SGCZ: variants seen among roughly 807,000 people sequenced by gnomAD.
SGCZ encodes the protein zeta-sarcoglycan.
In SGCZ, 40 loss-of-function variants were observed where a neutral mutation model predicts 41.3. The ratio of observed to expected loss-of-function variants is 0.97; its 90% CI spans 0.75 to 1.26. The LOEUF is 1.26. SGCZ is among the 50% of genes most tolerant of loss of function. The pLI is 0.00. For synonymous variants in SGCZ, 206 were observed against 137.5 expected, an observed-to-expected ratio of 1.50 and a Z score of -3.49; for missense variants, 552 against 369.8, an observed-to-expected ratio of 1.49 and a Z score of -4.04.
At chr8:14,796,698 G>A (rs745888398) in intron 1 of SGCZ, among the ~76,000 whole-genome samples, 22 of 152,098 alleles carry the variant, frequency 1.4e-4, no homozygotes, top group Admixed American at 1.3e-4. Context: ...ACTGGGCAGA[G>A]GTAACAGATG....
intron 3 of SGCZ, among the ~76,000 whole-genome samples, chr8:14,321,319 G>A (rs573128265): frequency 6.6e-6 from 1 of 152,002 alleles, no homozygotes; most frequent in Non-Finnish European, 1.5e-5. Context: ...CTTTTGAAAA[G>A]CCTGAAGAAG....
In SGCZ at chr8:14,888,062, G is replaced by A. The variant is rs116425512; in HGVS notation, c.40-333136C>T. Among the ~76,000 whole-genome samples the A allele has an allele frequency of 9.2e-3, 1,401 of 152,164 alleles. 13 individuals are homozygous for A. The highest frequency in any genetic ancestry group is 0.03 in the African/African-American group (1,238 of 41,518). ...CCACATTGTATACATCTATCACAAC[G>A]TCACTCTGTGCCCCCTAAATATATA... is the stretch of plus-strand genomic sequence containing the variant. On this transcript the variant is annotated intron_variant, in intron 1 of 7. Coordinates refer to ENST00000382080, the MANE Select transcript of SGCZ (RefSeq NM_139167.4).
chr8:14,186,285 T>A (rs1167702079), intron 4 of SGCZ, among the ~76,000 whole-genome samples: 2 of 152,158 alleles, frequency 1.3e-5, no homozygotes, highest in African/African-American at 2.4e-5. Context: ...TTGAAGAAAA[T>A]TTTTTAAACA....
intron 1 of SGCZ, among the ~76,000 whole-genome samples, chr8:14,827,493 T>G (rs1802374670): frequency 6.6e-6 from 1 of 152,092 alleles, no homozygotes; most frequent in Non-Finnish European, 1.5e-5. Context: ...CGCCTTGGCC[T>G]CCCAAAGTGC....
chr8:15,048,335 GGAA>G (rs573068885), intron 1 of SGCZ, among the ~76,000 whole-genome samples: 3 of 151,948 alleles, frequency 2.0e-5, no homozygotes, highest in Non-Finnish European at 4.4e-5. Context: ...AAGAATAGGA[GGAA>G]GAAGAAGATG....
chr8:14,110,788 C>A (rs961107666), intron 5 of SGCZ, among the ~76,000 whole-genome samples: 3 of 152,052 alleles, frequency 2.0e-5, no homozygotes, highest in Non-Finnish European at 4.4e-5. Flanking sequence ...CACAGTGGCT[C>A]GTGCCTGGAA....
At chr8:14,787,885 T>G (rs1800820787) in intron 1 of SGCZ, among the ~76,000 whole-genome samples, 1 of 152,142 alleles carries the variant, frequency 6.6e-6, no homozygotes, top group Non-Finnish European at 1.5e-5. Flanking sequence ...ATAAGAGGAA[T>G]AACATAGCCA....
intron 4 of SGCZ, among the ~76,000 whole-genome samples, chr8:14,181,308 T>C (rs1804718770): frequency 6.6e-6 from 1 of 152,240 alleles, no homozygotes; most frequent in Non-Finnish European, 1.5e-5. Flanking sequence ...TTGTTGGGTA[T>C]ATTGATACCT....
intron 2 of SGCZ, among the ~76,000 whole-genome samples, chr8:14,415,054 T>C (rs998229973): frequency 2.0e-5 from 3 of 151,932 alleles, no homozygotes; most frequent in African/African-American, 7.2e-5. Context: ...GCTACTTATA[T>C]CTTTTTTTAT....
rs148887224 is a variant in SGCZ, at chr8:14,365,722, G to A, written c.235-41518C>T. On this transcript the variant is annotated intron_variant, in intron 2 of 7. Coordinates refer to ENST00000382080, the MANE Select transcript of SGCZ (RefSeq NM_139167.4). The stretch of plus-strand genomic sequence containing the variant: ...ATAGGAAATAGGTTTTTATCTTAAG[G>A]CTTAACAGGGATTGTTCCACTTATT... 6.1e-4 allele frequency among the ~76,000 whole-genome samples: 93 copies of A among 152,036 alleles called. 1 individual carries two copies. In the East Asian group the frequency reaches 0.012, roughly 20 times the overall value.
At chr8:14,202,173 C>G (rs955836038) in intron 4 of SGCZ, among the ~76,000 whole-genome samples, 2 of 152,126 alleles carry the variant, frequency 1.3e-5, no homozygotes, top group African/African-American at 2.4e-5. Context: ...AAAGAAGAGT[C>G]AGTGTTAGAG....
intron 1 of SGCZ, among the ~76,000 whole-genome samples, chr8:14,801,000 A>C (rs1398599996): frequency 3.3e-5 from 5 of 152,198 alleles, no homozygotes; most frequent in Admixed American, 3.3e-4. Context: ...ACTAGCTCCG[A>C]ATACCAGGTT....
intron 1 of SGCZ, among the ~76,000 whole-genome samples, chr8:15,139,185 C>A (rs151149054): frequency 1.3e-5 from 2 of 152,330 alleles, no homozygotes; most frequent in East Asian, 1.9e-4. Flanking sequence ...GAATAAGCAT[C>A]AAAACCAAAT....
At chr8:14,824,002 G>T (rs1274086801) in intron 1 of SGCZ, among the ~76,000 whole-genome samples, 1 of 151,550 alleles carries the variant, frequency 6.6e-6, no homozygotes, top group Non-Finnish European at 1.5e-5. Context: ...ATACTGCAGG[G>T]TATTGCTTAT....
chr8:14,940,959 A>G (rs1380156869), intron 1 of SGCZ, among the ~76,000 whole-genome samples: 2 of 152,046 alleles, frequency 1.3e-5, no homozygotes, highest in Non-Finnish European at 2.9e-5. Context: ...GATAATTTAT[A>G]ATATCTGTTG....
At chr8:14,699,839 G>A (rs537807536) in intron 1 of SGCZ, among the ~76,000 whole-genome samples, 5 of 151,894 alleles carry the variant, frequency 3.3e-5, no homozygotes, top group South Asian at 4.2e-4. Context: ...TGCAGCCAAC[G>A]AATATATAAA....
At chr8:15,230,003 C>T (rs1301859830) in intron 1 of SGCZ, among the ~76,000 whole-genome samples, 2 of 152,200 alleles carry the variant, frequency 1.3e-5, no homozygotes, top group East Asian at 3.9e-4. Flanking sequence ...TTAGTAGGCT[C>T]TTAGCTCTTA....
chr8:14,086,230 T>C lies in SGCZ; in HGVS notation c.*4213A>G, dbSNP rs770538488. Among the ~76,000 whole-genome samples, 3 of 151,706 alleles carry C rather than the reference T, an allele frequency of 2.0e-5. No homozygotes were observed. The highest frequency in any genetic ancestry group is 4.4e-5 in the Non-Finnish European group (3 of 67,754). On this transcript the variant is annotated 3_prime_UTR_variant, in exon 8 of 8. Coordinates refer to ENST00000382080, the MANE Select transcript of SGCZ (RefSeq NM_139167.4). ...TATGAATTTGGCTTTGAGGATTTTA[T>C]AGAAAATTTGGCTATTAAATACTTT...
intron 1 of SGCZ, among the ~76,000 whole-genome samples, chr8:14,669,671 G>A (rs1321745252): frequency 6.8e-6 from 1 of 147,764 alleles, no homozygotes; most frequent in African/African-American, 2.5e-5. Flanking sequence ...TCTTATGGCT[G>A]AATAATATTC....
Sources: gnomAD v4.1 joint callset for allele counts (sites outside exome capture counted in the v4.1 genomes callset) on GRCh38, gnomAD v4.1.1 for gene constraint, MANE v1.5 for transcripts, NCBI Gene and HGNC (gene_info 2026-07-23, HGNC 2026-07-21) for gene names.